Variants in SFMBT1 observed in about 807,000 individuals in gnomAD.
SFMBT1 encodes the protein scm-like with four MBT domains protein 1.
In SFMBT1, 32 loss-of-function variants were observed where a neutral mutation model predicts 108.7. The ratio of observed to expected loss-of-function variants is 0.29; its 90% CI spans 0.22 to 0.40. The LOEUF is 0.40. SFMBT1 is among the 10% of genes least tolerant of loss of function. The pLI is 1.00. For missense variants in SFMBT1, 816 were observed against 1,059.6 expected (o/e 0.77, Z 3.19); for synonymous variants, 348 against 369.5 (o/e 0.94, Z 0.67).
chr3:53,012,908 T>A (rs1347810361), intron 1 of SFMBT1, among the ~76,000 whole-genome samples: 1 of 151,676 alleles, frequency 6.6e-6, no homozygotes, highest in African/African-American at 2.4e-5. Context: ...CATACACTGA[T>A]TGGAGCATAT....
chr3:53,042,577 C>G (rs1000656882), intron 1 of SFMBT1, among the ~76,000 whole-genome samples: 1 of 152,188 alleles, frequency 6.6e-6, no homozygotes, highest in African/African-American at 2.4e-5. Flanking sequence ...CTCCTGGTCT[C>G]AAGCGATCCT....
At chr3:52,976,664 A>C (rs1704529850) in intron 1 of SFMBT1, among the ~76,000 whole-genome samples, 2 of 152,208 alleles carry the variant, frequency 1.3e-5, no homozygotes, top group South Asian at 4.1e-4. Flanking sequence ...CCATAAACAA[A>C]TTTAAAAAAC....
At chr3:52,956,407 C>T (rs1703784955) in intron 2 of SFMBT1, among the ~76,000 whole-genome samples, 2 of 152,184 alleles carry the variant, frequency 1.3e-5, no homozygotes, top group South Asian at 4.1e-4. Context: ...TTGCAGTGAG[C>T]TGAGATCACG....
At chr3:52,969,390 G>T in intron 1 of SFMBT1, 132 bp from the exon 2 acceptor site, 1 of 826,930 alleles carries the variant, frequency 1.2e-6, no homozygotes, top group Non-Finnish European at 1.7e-6. Flanking sequence ...TAGGACTGGA[G>T]GAAAAAATTG....
intron 10 of SFMBT1, among the ~76,000 whole-genome samples, chr3:52,924,671 AAC>A (rs1702608148): frequency 8.3e-6 from 1 of 119,986 alleles, no homozygotes; most frequent in Non-Finnish European, 1.9e-5. Flanking sequence ...CAACAACAAC[AAC>A]AACAACAACA....
chr3:52,964,240 T>G (rs1004732851), intron 2 of SFMBT1, among the ~76,000 whole-genome samples: 1 of 152,232 alleles, frequency 6.6e-6, no homozygotes, highest in African/African-American at 2.4e-5. Context: ...CTGGGCATGG[T>G]GGCTCACACC....
intron 1 of SFMBT1, among the ~76,000 whole-genome samples, chr3:53,042,034 A>C (rs1253799862): frequency 6.6e-6 from 1 of 152,248 alleles, no homozygotes; most frequent in East Asian, 1.9e-4. Context: ...ATAATCCAAG[A>C]AAGCAAAATT....
intron 3 of SFMBT1, among the ~76,000 whole-genome samples, chr3:52,945,117 C>A (rs1703313497): frequency 2.2e-5 from 1 of 45,532 alleles, no homozygotes; most frequent in Non-Finnish European, 5.6e-5. Context: ...ATTTTGATTT[C>A]CAAATACCAC....
At chr3:52,931,361 C>G (rs901012762) in intron 6 of SFMBT1, among the ~76,000 whole-genome samples, 3 of 152,030 alleles carry the variant, frequency 2.0e-5, no homozygotes, top group African/African-American at 7.2e-5. Context: ...TCTAGAAATA[C>G]CAATATTATT....
In SFMBT1 at chr3:52,975,972, C is replaced by A. The variant is rs149014935; in HGVS notation, c.-130-6714G>T. Reference sequence around the variant, plus strand: ...GCTGTAATGACCCAAGATCATGCCGCCGCACTCCAACCTGGGTGATAGAGC... The same window carrying A: ...GCTGTAATGACCCAAGATCATGCCGACGCACTCCAACCTGGGTGATAGAGC... On this transcript the variant is annotated intron_variant, in intron 1 of 20. Transcript: ENST00000394752. 4.3e-4 allele frequency among the ~76,000 whole-genome samples: 65 copies of A among 152,130 alleles called. 1 individual carries two copies. The East Asian group carries it at 0.01, about 24-fold the overall frequency.
At chr3:53,037,757 T>C (rs1169606884) in intron 1 of SFMBT1, among the ~76,000 whole-genome samples, 1 of 152,174 alleles carries the variant, frequency 6.6e-6, no homozygotes, top group Non-Finnish European at 1.5e-5. Flanking sequence ...GAGAATCACT[T>C]GAGGCCAGAA....
intron 1 of SFMBT1, among the ~76,000 whole-genome samples, chr3:52,978,227 G>C: frequency 6.6e-6 from 1 of 152,120 alleles, no homozygotes; most frequent in Non-Finnish European, 1.5e-5. Context: ...GGGAGCTACA[G>C]AAGGAAAGAG....
chr3:53,038,523 T>G (rs1311981041), intron 1 of SFMBT1, among the ~76,000 whole-genome samples: 1 of 152,148 alleles, frequency 6.6e-6, no homozygotes, highest in Non-Finnish European at 1.5e-5. Flanking sequence ...ATTAGGAAAC[T>G]CATCCCACAT....
chr3:52,905,676 C>A (rs896235888), intron 20 of SFMBT1, among the ~76,000 whole-genome samples: 3 of 152,156 alleles, frequency 2.0e-5, no homozygotes, highest in African/African-American at 4.8e-5. Flanking sequence ...CATAAAAACC[C>A]GATAAGCTCT....
intron 1 of SFMBT1, among the ~76,000 whole-genome samples, chr3:52,996,287 C>T (rs1191228858): frequency 1.4e-5 from 2 of 139,486 alleles, no homozygotes; most frequent in Admixed American, 1.5e-4. Context: ...TCTTGGCTCA[C>T]TGCAGCCTCA....
chr3:52,925,287 C>T (rs1354805768), intron 10 of SFMBT1, among the ~76,000 whole-genome samples: 1 of 152,132 alleles, frequency 6.6e-6, no homozygotes, highest in Non-Finnish European at 1.5e-5. Flanking sequence ...AATGTAAAAA[C>T]TCATTTTGTA....
chr3:52,913,767 C>T (rs147989770), intron 14 of SFMBT1, 150 bp from the exon 15 acceptor site: 175 of 838,784 alleles, frequency 2.1e-4, no homozygotes, highest in Admixed American at 8.9e-4. Context: ...AACATGTTGT[C>T]TGAGAATGCT....
At chr3:52,930,568 A>G in intron 7 of SFMBT1, 138 bp from the exon 8 acceptor site, 2 of 606,030 alleles carry the variant, frequency 3.3e-6, no homozygotes, top group Non-Finnish European at 5.8e-6. Flanking sequence ...GTGCAAAACT[A>G]TCCAATATAA....
intron 1 of SFMBT1, among the ~76,000 whole-genome samples, chr3:53,031,549 C>G (rs1349181520): frequency 6.6e-6 from 1 of 151,418 alleles, no homozygotes; most frequent in Non-Finnish European, 1.5e-5. Flanking sequence ...ATACTAGTTT[C>G]TCATTTTTTA....
Sources: gnomAD v4.1 joint callset for allele counts (sites outside exome capture counted in the v4.1 genomes callset) on GRCh38, gnomAD v4.1.1 for gene constraint, MANE v1.5 for transcripts, NCBI Gene and HGNC (gene_info 2026-07-23, HGNC 2026-07-21) for gene names.